The following SOX6 variants were observed in gnomAD, a reference collection of about 807,000 sequenced individuals.
SOX6 encodes the protein SRY-box transcription factor 6, also known as transcription factor SOX-6.
A neutral mutation model predicts 97.8 loss-of-function variants in SOX6; 11 were observed. The observed-to-expected ratio is 0.11, with a 90% CI of 0.07 to 0.19. The LOEUF (loss-of-function observed/expected upper bound fraction) is 0.19. SOX6 is among the 10% of genes least tolerant of loss of function. The probability of loss-of-function intolerance (pLI) is 1.00; values close to 1 mark genes in which losing one functional copy is unlikely to be tolerated. For synonymous variants in SOX6, 360 were observed against 371.4 expected, an observed-to-expected ratio of 0.97 and a Z score of 0.35; for missense variants, 810 against 1,039.5, an observed-to-expected ratio of 0.78 and a Z score of 3.04.
At chr11:16,362,354 G>A (rs1221911942) in intron 1 of SOX6, among the ~76,000 whole-genome samples, 1 of 151,982 alleles carries the variant, frequency 6.6e-6, no homozygotes, top group African/African-American at 2.4e-5. Context: ...CCTCCCAGTT[G>A]CTTTCCATCC....
At chr11:16,249,852 T>G (rs1853454144) in intron 3 of SOX6, among the ~76,000 whole-genome samples, 1 of 152,184 alleles carries the variant, frequency 6.6e-6, no homozygotes, top group Non-Finnish European at 1.5e-5. Flanking sequence ...GTGTTCTCAT[T>G]GTTTATATTA....
chr11:16,295,279 A>C (rs1320763924), intron 3 of SOX6, among the ~76,000 whole-genome samples: 51 of 152,130 alleles, frequency 3.4e-4, no homozygotes, highest in Admixed American at 3.3e-3. Context: ...TTTAGAGCAT[A>C]AACCATTTTC....
At chr11:15,974,378 C>CTTTTTTTTTTTTT (rs35597667) in intron 15 of SOX6, among the ~76,000 whole-genome samples, 220 of 85,658 alleles carry the variant, frequency 2.6e-3, no homozygotes, top group Non-Finnish European at 3.0e-3. Context: ...TTAGCTCTCT[C>CTTTTTTTTTTTTT]TTTTTTTTTT....
At chr11:16,421,532 A>C (rs1859021581) in intron 1 of SOX6, among the ~76,000 whole-genome samples, 1 of 152,172 alleles carries the variant, frequency 6.6e-6, no homozygotes, top group Non-Finnish European at 1.5e-5. Context: ...AAGTCATTTC[A>C]GTTCCTGTAT....
At chr11:16,531,351 G>GA (rs1861233327) in intron 4 of SOX6, among the ~76,000 whole-genome samples, 1 of 151,220 alleles carries the variant, frequency 6.6e-6, no homozygotes, top group Admixed American at 6.6e-5. Flanking sequence ...TAAGCAATAA[G>GA]AAAAAATCAG....
intron 1 of SOX6, among the ~76,000 whole-genome samples, chr11:16,392,283 A>C (rs1256240594): frequency 6.6e-6 from 1 of 152,068 alleles, no homozygotes; most frequent in African/African-American, 2.4e-5. Context: ...ATTAAGAAAA[A>C]TTTTGCTCAT....
At chr11:16,111,611 G>A (rs1278854991) in intron 7 of SOX6, among the ~76,000 whole-genome samples, 192 bp downstream of exon 7, 1 of 152,172 alleles carries the variant, frequency 6.6e-6, no homozygotes, top group African/African-American at 2.4e-5. Flanking sequence ...AGAAGAGAAA[G>A]TAAAAGTTTT....
At chr11:16,540,098 A>C (rs182188573) in intron 4 of SOX6, among the ~76,000 whole-genome samples, 2 of 152,316 alleles carry the variant, frequency 1.3e-5, no homozygotes, top group African/African-American at 4.8e-5. Context: ...CGAATCCAGC[A>C]GCACATGAAA....
intron 12 of SOX6, chr11:16,023,048 C>A (rs1420265635): frequency 6.6e-6 from 1 of 151,956 alleles, no homozygotes; most frequent in African/African-American, 2.4e-5. Context: ...TGATGTCTTC[C>A]CTTCCAGATG....
intron 6 of SOX6, among the ~76,000 whole-genome samples, chr11:16,113,213 G>A (rs1214601659): frequency 6.6e-6 from 1 of 152,040 alleles, no homozygotes; most frequent in African/African-American, 2.4e-5. Flanking sequence ...TTTTCTCTAG[G>A]GAAAGCCCTA....
chr11:16,322,508 C>A (rs1168065748), intron 2 of SOX6, among the ~76,000 whole-genome samples: 2 of 152,132 alleles, frequency 1.3e-5, no homozygotes, highest in African/African-American at 4.8e-5. Context: ...TCAGGTATTT[C>A]TTTATAGCAG....
chr11:16,096,190 T>C, intron 8 of SOX6, 72 bp from the exon 9 acceptor site: 2 of 1,540,646 alleles, frequency 1.3e-6, no homozygotes, highest in Non-Finnish European at 1.8e-6. Context: ...ACAGAATACA[T>C]ATTTCTAAAT....
intron 4 of SOX6, among the ~76,000 whole-genome samples, chr11:16,495,513 G>A (rs984653082): frequency 2.6e-5 from 4 of 152,100 alleles, no homozygotes; most frequent in Non-Finnish European, 5.9e-5. Flanking sequence ...GGAACCTGAG[G>A]ACAAGCTTAC....
chr11:16,069,502 C>T (rs1310795367), intron 9 of SOX6, among the ~76,000 whole-genome samples: 1 of 152,050 alleles, frequency 6.6e-6, no homozygotes, highest in African/African-American at 2.4e-5. Flanking sequence ...CTTACAAGTA[C>T]TCGTAAAGCA....
chr11:16,478,415 T>A (rs1860291054), upstream of SOX6, among the ~76,000 whole-genome samples: 1 of 152,186 alleles, frequency 6.6e-6, no homozygotes, highest in South Asian at 2.1e-4. Context: ...GATCTCTAAC[T>A]CTAGAAATAT....
intron 4 of SOX6, among the ~76,000 whole-genome samples, chr11:16,588,043 T>C (rs1047676946): frequency 6.6e-6 from 1 of 152,222 alleles, no homozygotes; most frequent in Non-Finnish European, 1.5e-5. Context: ...TATGGAAATA[T>C]ACTCTATGAA....
At position 16,063,860 on chromosome 11, in the gene SOX6, C is replaced by G. The variant is rs1848027191; in HGVS notation, c.1102-7959G>C. On this transcript the variant is annotated intron_variant, in intron 9 of 15. Coordinates refer to ENST00000683767, the MANE Select transcript of SOX6 (RefSeq NM_001367873.1). ...TCTTACTTTTAAGCCTGTATTCTTT[C>G]TGCTTTTAAAATTAAATTATTTTAA... Among the ~76,000 whole-genome samples, 3 of 151,250 alleles carry G rather than the reference C, an allele frequency of 2.0e-5. No individual in the cohort carries two copies. In the South Asian group the frequency reaches 6.2e-4, roughly 31 times the overall value.
At chr11:16,048,939 C>T (rs1484164288) in intron 11 of SOX6, among the ~76,000 whole-genome samples, 1 of 152,128 alleles carries the variant, frequency 6.6e-6, no homozygotes, top group Non-Finnish European at 1.5e-5. Flanking sequence ...TTTATTGTTT[C>T]ATCCCACTTA....
intron 2 of SOX6, among the ~76,000 whole-genome samples, chr11:16,329,495 T>G (rs4757392): frequency 0.39 from 59,679 of 151,880 alleles, 12,443 homozygotes; most frequent in East Asian, 0.48. Context: ...AATAATAAAA[T>G]AGTTAACAAA....
Sources: gnomAD v4.1 joint callset for allele counts (sites outside exome capture counted in the v4.1 genomes callset) on GRCh38, gnomAD v4.1.1 for gene constraint, MANE v1.5 for transcripts, NCBI Gene and HGNC (gene_info 2026-07-23, HGNC 2026-07-21) for gene names.